The following TBC1D25 variants were observed in gnomAD, a reference collection of about 807,000 sequenced individuals.
The protein encoded by TBC1D25 is 5SN3 snoRNA.
In TBC1D25, 13 loss-of-function variants were observed where a neutral mutation model predicts 38.8. The observed-to-expected ratio is 0.34, with a 90% CI of 0.22 to 0.53. The LOEUF is 0.53. TBC1D25 is among the 20% of genes least tolerant of loss of function. The pLI, the probability that TBC1D25 is intolerant of heterozygous loss-of-function variation, is 0.94. For missense variants in TBC1D25, 372 were observed against 600.0 expected, an observed-to-expected ratio of 0.62 and a Z score of 3.97; for synonymous variants, 225 against 255.6, an observed-to-expected ratio of 0.88 and a Z score of 1.14.
chrX:48,543,358 T>A (rs2061855745), intron 2 of TBC1D25, among the ~76,000 whole-genome samples: 1 of 108,835 alleles, frequency 9.2e-6, no homozygotes, highest in Admixed American at 9.8e-5. Context: ...TGCCTCGGCC[T>A]CCTGAGTAGC....
rs1556986009 is a variant in TBC1D25 at position 48,560,578 on chromosome X, C to G, written c.1670C>G (p.Pro557Arg). Residue 557 changes from proline (P) to arginine (R), a missense_variant, in exon 6 of 6, where the codon CCT (proline) becomes CGT (arginine). Pro to Arg is a moderately radical substitution (Grantham distance 103, BLOSUM62 -2). Coordinates refer to ENST00000376771, the MANE Select transcript of TBC1D25 (RefSeq NM_002536.4). ...PDPLLSSFSH[P>R]DSPSSSSPPS... ...CCACTGCTCTCCTCCTTTTCCCACC[C>G]TGATTCCCCATCTTCCTCATCTCCA... 8.3e-7 allele frequency: 1 copy of G among 1,205,836 alleles called. No homozygotes were observed. Among genetic ancestry groups the G allele is most frequent in the African/African-American group, 1.8e-5 (1 of 57,099 alleles).
At chrX:48,559,124 C>T (rs1374795439) in intron 4 of TBC1D25, 34 bp from the exon 5 acceptor site, 4 of 1,202,875 alleles carry the variant, frequency 3.3e-6, no homozygotes, top group Non-Finnish European at 4.5e-6. Context: ...CCCTAGTCCA[C>T]ACAGCTGATG....
rs374981677 is a variant in TBC1D25 at position 48,541,329 on chromosome X, C to A, written c.124-4C>A. 1 of 1,209,087 alleles carries A rather than the reference C, an allele frequency of 8.3e-7. No individual in the cohort carries two copies. Among genetic ancestry groups the A allele is most frequent in the African/African-American group, 1.8e-5 (1 of 57,070 alleles). On this transcript the variant is annotated splice_polypyrimidine_tract_variant and splice_region_variant and intron_variant, in intron 1 of 5. Transcript: ENST00000376771. ...GTGGCCTACCCCATGTCTTCTCTCCCCAGAAATGTGAGAGCTTCTTGCCGC... is the reference window on the plus strand; with the variant it reads ...GTGGCCTACCCCATGTCTTCTCTCCACAGAAATGTGAGAGCTTCTTGCCGC...
intron 3 of TBC1D25, among the ~76,000 whole-genome samples, chrX:48,552,647 C>T (rs1396207928): frequency 1.8e-5 from 2 of 110,215 alleles, no homozygotes; most frequent in Non-Finnish European, 3.8e-5. Context: ...CACTGCACCC[C>T]GCCCCAACAG....
At chrX:48,550,809 G>C (rs959414217) in intron 3 of TBC1D25, among the ~76,000 whole-genome samples, 2 of 110,717 alleles carry the variant, frequency 1.8e-5, no homozygotes, top group East Asian at 5.7e-4. Flanking sequence ...ACAGGCGCTC[G>C]CCACCACGCC....
chrX:48,559,025 G>A lies in TBC1D25; in HGVS notation c.516+1G>A. On this transcript the variant is annotated splice_donor_variant, in intron 4 of 5. Transcript: ENST00000376771. LOFTEE classifies it high-confidence loss of function. ...CTTTACACAGTCCATCCTCACTCAG[G>A]TGTTTTCAGGGACCCTAGGGACCCA... 1 of 1,211,197 alleles carries A rather than the reference G, an allele frequency of 8.3e-7. No individual in the cohort carries two copies. The highest frequency in any genetic ancestry group is 1.1e-6 in the Non-Finnish European group (1 of 895,265).
At chrX:48,557,316 TGG>T (rs782405834) in intron 3 of TBC1D25, among the ~76,000 whole-genome samples, 3 of 111,238 alleles carry the variant, frequency 2.7e-5, no homozygotes, top group Non-Finnish European at 3.8e-5. Context: ...GAGACCGGCC[TGG>T]GCAACATAGC....
In TBC1D25 at chrX:48,561,368, A is replaced by G. The variant is rs1012800081; in HGVS notation, c.*393A>G. 3 of 149,851 alleles carry G rather than the reference A, an allele frequency of 2.0e-5. No individual in the cohort carries two copies. The highest frequency in any genetic ancestry group is 9.4e-5 in the African/African-American group (3 of 32,052). The allele number at this position is 149,851 out of a possible 1,213,427, so 12.3% of individuals were successfully genotyped here. On this transcript the variant is annotated 3_prime_UTR_variant, in exon 6 of 6. Coordinates refer to ENST00000376771, the MANE Select transcript of TBC1D25 (RefSeq NM_002536.4). ...GTGATGGGGAGAGTGGATGCTGACA[A>G]TCAGTTCCCAAAGGTGAGCCCAGGT...
chrX:48,559,738 A>G lies in TBC1D25; in HGVS notation c.830A>G (p.Asn277Ser), dbSNP rs2293948. The G allele has an allele frequency of 0.44, 533,307 of 1,207,953 alleles. 82,957 individuals are homozygous for G. The highest frequency in any genetic ancestry group is 0.77 in the African/African-American group (43,838 of 56,788). ...AAGAGCGAGTGGGCCCAGCGAGCGA[A>G]CCCTGAGGACCTGGAATTCATCCGC... ...QLKSEWAQRA[N>S]PEDLEFIRST... The change falls in exon 6 of 6, where the codon AAC becomes AGC. Residue 277 changes from asparagine to serine, a missense_variant. Physicochemically the swap from Asn to Ser is conservative, Grantham distance 46. Coordinates refer to ENST00000376771, the MANE Select transcript of TBC1D25 (RefSeq NM_002536.4).
Position 48,559,781 on chromosome X carries a change from T to C in TBC1D25, c.873T>C (p.Asp291=). 2.5e-6 allele frequency: 3 copies of C among 1,211,891 alleles called. No individual in the cohort carries two copies. In the South Asian group the frequency reaches 5.3e-5, roughly 21 times the overall value. ...LEFIRSTVLK[D]VLRTDRAHPY... is the part of the protein sequence containing the mutation. ...TCATCCGCAGCACGGTCCTCAAGGA[T>C]GTACTGCGCACTGACCGGGCCCACC... Residue 291 remains aspartate, a synonymous_variant, in exon 6 of 6, where the codon GAT becomes GAC. Coordinates refer to ENST00000376771, the MANE Select transcript of TBC1D25 (RefSeq NM_002536.4).
chrX:48,546,643 A>G (rs1465461395), intron 3 of TBC1D25, among the ~76,000 whole-genome samples: 1 of 112,442 alleles, frequency 8.9e-6, no homozygotes, highest in African/African-American at 3.2e-5. Context: ...AAATTGCAAC[A>G]CATGAATTTG....
intron 2 of TBC1D25, among the ~76,000 whole-genome samples, chrX:48,543,524 C>T (rs782154252): frequency 8.5e-5 from 9 of 106,114 alleles, no homozygotes; most frequent in African/African-American, 1.7e-4. Flanking sequence ...CATGAGCCAC[C>T]GCACCTGGCC....
Position 48,558,952 on chromosome X carries a change from C to T in TBC1D25, c.444C>T (p.Asp148=), listed in dbSNP as rs1556985093. 5 of 1,209,815 alleles carry T rather than the reference C, an allele frequency of 4.1e-6. No individual in the cohort carries two copies. The highest frequency in any genetic ancestry group is 3.0e-5 in the East Asian group (1 of 33,766). ...GCCCCAAAGATGTCATTGGCTCCGA[C>T]GTGTTGCTGGCTGAGAAACGGTCAT... ...IISPKDVIGS[D]VLLAEKRSSL... is the part of the protein sequence containing the mutation. Residue 148 remains aspartate, a synonymous_variant, in exon 4 of 6, where the codon GAC becomes GAT. Coordinates refer to ENST00000376771, the MANE Select transcript of TBC1D25 (RefSeq NM_002536.4).
intron 3 of TBC1D25, among the ~76,000 whole-genome samples, chrX:48,558,250 C>A (rs1277665836): frequency 8.9e-6 from 1 of 111,867 alleles, no homozygotes; most frequent in Non-Finnish European, 1.9e-5. Context: ...GCTGTAGAAT[C>A]TTGGTCACTT....
chrX:48,544,938 A>C lies in TBC1D25; in HGVS notation c.303A>C (p.Leu101=). The change falls in exon 3 of 6, where the codon CTA becomes CTC. Residue 101 remains leucine, a synonymous_variant. Coordinates refer to ENST00000376771, the MANE Select transcript of TBC1D25 (RefSeq NM_002536.4). Reference sequence around the variant, plus strand: ...GACAGGAAGTTTACCTCTCACTTCTATCTGACTGGGACCTCAGCACAGCCT... The same window carrying C: ...GACAGGAAGTTTACCTCTCACTTCTCTCTGACTGGGACCTCAGCACAGCCT... ...RLGQEVYLSL[L]SDWDLSTAFA... is the part of the protein sequence containing the mutation. The C allele has an allele frequency of 8.3e-7, 1 of 1,211,963 alleles. No individual in the cohort carries two copies. Among genetic ancestry groups the C allele is most frequent in the Non-Finnish European group, 1.1e-6 (1 of 895,530 alleles).
At chrX:48,553,041 C>T (rs371298966) in intron 3 of TBC1D25, among the ~76,000 whole-genome samples, 4 of 109,984 alleles carry the variant, frequency 3.6e-5, no homozygotes, top group Non-Finnish European at 7.6e-5. Context: ...TTGCCTGCCT[C>T]GGCTTCCCAA....
At chrX:48,546,294 A>T (rs1556981745) in intron 3 of TBC1D25, among the ~76,000 whole-genome samples, 1 of 107,187 alleles carries the variant, frequency 9.3e-6, no homozygotes, top group African/African-American at 3.4e-5. Flanking sequence ...CGGGCAGATC[A>T]CAAGGTCAGG....
At position 48,560,651 on chromosome X, in the gene TBC1D25, C is replaced by T; in HGVS notation, c.1743C>T (p.Ser581=). 8.3e-7 allele frequency: 1 copy of T among 1,211,566 alleles called. No homozygotes were observed. Among genetic ancestry groups the T allele is most frequent in the Non-Finnish European group, 1.1e-6 (1 of 895,370 alleles). The change falls in exon 6 of 6, where the codon TCC becomes TCT. Residue 581 remains serine (S), a synonymous_variant. Coordinates refer to ENST00000376771, the MANE Select transcript of TBC1D25 (RefSeq NM_002536.4). ...CCACTGGTGATATGGCTGTAGGATC[C>T]CCCTTGATGCAAGAGGTAGGCTCCC... is the stretch of plus-strand genomic sequence containing the variant. ...ASPTGDMAVG[S]PLMQEVGSPK... is the part of the protein sequence containing the mutation.
At chrX:48,547,911 C>A (rs2061900003) in intron 3 of TBC1D25, among the ~76,000 whole-genome samples, 1 of 95,061 alleles carries the variant, frequency 1.1e-5, no homozygotes, top group Non-Finnish European at 2.1e-5. Flanking sequence ...GCACTCCAGC[C>A]TGAGTGACAG....
Sources: allele counts gnomAD v4.1 joint callset (sites outside exome capture counted in the v4.1 genomes callset), GRCh38; gene constraint gnomAD v4.1.1; transcripts MANE v1.5; gene names NCBI Gene and HGNC (gene_info 2026-07-23, HGNC 2026-07-21).